The following PALLD variants were observed in gnomAD, a reference collection of about 807,000 sequenced individuals.
PALLD encodes the protein palladin, cytoskeletal associated protein.
In PALLD, 61 loss-of-function variants were observed where a neutral mutation model predicts 123.5. The observed-to-expected ratio is 0.49, with a 90% CI of 0.40 to 0.61. PALLD has a LOEUF of 0.61. PALLD is among the 20% of genes least tolerant of loss of function. PALLD has a pLI of 0.00. For missense variants in PALLD, 1,273 were observed against 1,377.0 expected, an observed-to-expected ratio of 0.92 and a Z score of 1.20; for synonymous variants, 465 against 496.4, an observed-to-expected ratio of 0.94 and a Z score of 0.84.
At chr4:168,634,313 C>CGGA (rs779646606) in intron 2 of PALLD, among the ~76,000 whole-genome samples, 6 of 152,202 alleles carry the variant, frequency 3.9e-5, no homozygotes, top group Non-Finnish European at 8.8e-5. Flanking sequence ...CTTCAGTGAC[C>CGGA]TTCCCATTTG....
chr4:168,736,391 G>A (rs1032791154), intron 10 of PALLD, among the ~76,000 whole-genome samples: 2 of 152,166 alleles, frequency 1.3e-5, no homozygotes, highest in Admixed American at 6.5e-5. Context: ...TTCATGATTA[G>A]AAGATAGCTG....
chr4:168,860,316 C>G (rs910395674), intron 10 of PALLD, among the ~76,000 whole-genome samples: 2 of 152,192 alleles, frequency 1.3e-5, no homozygotes, highest in African/African-American at 4.8e-5. Context: ...CACAGCTGGA[C>G]AGAAGCCCCC....
chr4:168,870,475 ATCT>A lies in PALLD; in HGVS notation c.1965-20440_1965-20438del, dbSNP rs752422177. The stretch of plus-strand genomic sequence containing the variant: ...TATCTGCCTCTCGAATGCCTTTAAA[ATCT>A]TCTTCTGTTTTCCAAAAACTGATAT... On this transcript the variant is annotated intron_variant, in intron 10 of 21. Transcript: ENST00000505667. 7.9e-5 allele frequency among the ~76,000 whole-genome samples: 12 copies of A among 152,316 alleles called. 1 individual carries two copies. In the South Asian group the frequency reaches 8.3e-4, roughly 11 times the overall value.
intron 2 of PALLD, among the ~76,000 whole-genome samples, chr4:168,537,969 C>T (rs1369203210): frequency 6.6e-6 from 1 of 152,216 alleles, no homozygotes; most frequent in Non-Finnish European, 1.5e-5. Context: ...TTCTATCCCC[C>T]TTCAGGTGAG....
chr4:168,672,064 C>G (rs1405999726), intron 3 of PALLD, among the ~76,000 whole-genome samples: 1 of 152,144 alleles, frequency 6.6e-6, no homozygotes. Flanking sequence ...ACAGAGATCA[C>G]CTCATTTCAT....
chr4:168,813,268 A>G (rs1299430706), intron 10 of PALLD, among the ~76,000 whole-genome samples: 1 of 152,184 alleles, frequency 6.6e-6, no homozygotes, highest in African/African-American at 2.4e-5. Context: ...TAGTGGAATC[A>G]TGGAATTTAA....
At chr4:168,660,845 G>A (rs2149976450) in intron 2 of PALLD, among the ~76,000 whole-genome samples, 1 of 151,674 alleles carries the variant, frequency 6.6e-6, no homozygotes, top group Non-Finnish European at 1.5e-5. Context: ...TAAGTATGAA[G>A]CTATACCCAA....
chr4:168,841,586 C>T (rs771518089), intron 10 of PALLD, among the ~76,000 whole-genome samples: 4 of 152,182 alleles, frequency 2.6e-5, no homozygotes, highest in Non-Finnish European at 5.9e-5. Flanking sequence ...ACCTCAGCCA[C>T]GGAGTGACAG....
At chr4:168,792,253 G>A (rs1031530182) in intron 10 of PALLD, among the ~76,000 whole-genome samples, 2 of 152,082 alleles carry the variant, frequency 1.3e-5, no homozygotes, top group South Asian at 2.1e-4. Flanking sequence ...GTCGCATCAC[G>A]GAGCAGAGGC....
chr4:168,764,842 TC>T (rs1447913581), intron 10 of PALLD, among the ~76,000 whole-genome samples: 11 of 152,146 alleles, frequency 7.2e-5, no homozygotes, highest in Non-Finnish European at 1.6e-4. Flanking sequence ...GCTCCAGGTG[TC>T]AATAAACAAC....
chr4:168,648,712 T>C (rs575574106), intron 2 of PALLD: 1 of 152,352 alleles, frequency 6.6e-6, no homozygotes, highest in East Asian at 1.9e-4. Flanking sequence ...TATTGTTGCA[T>C]CATTAAATTA....
At chr4:168,580,607 A>G (rs62335502) in intron 2 of PALLD, among the ~76,000 whole-genome samples, 14,005 of 152,072 alleles carry the variant, frequency 0.092, 892 homozygotes, top group South Asian at 0.18. Flanking sequence ...ATTTGACCCA[A>G]CAATCACATT....
In PALLD at chr4:168,779,316, A is replaced by T. The variant is rs148206687; in HGVS notation, c.1964+67393A>T. Among the ~76,000 whole-genome samples the T allele has an allele frequency of 1.1e-4, 16 of 152,206 alleles. No individual in the cohort carries two copies. The East Asian group carries it at 2.9e-3, about 28-fold the overall frequency. On this transcript the variant is annotated intron_variant, in intron 10 of 21. Coordinates refer to ENST00000505667, the MANE Select transcript of PALLD (RefSeq NM_001166108.2). ...CAATTTTGTTTCTTATTCTTTCTAC[A>T]TTCTGTAATGTATTAGAAACATGAA...
intron 1 of PALLD, among the ~76,000 whole-genome samples, chr4:168,497,962 A>G (rs1259922579): frequency 6.6e-6 from 1 of 152,230 alleles, no homozygotes; most frequent in Non-Finnish European, 1.5e-5. Context: ...GCCTTCTAGT[A>G]TGAATAATGT....
chr4:168,540,896 G>T (rs1279487205), intron 2 of PALLD, among the ~76,000 whole-genome samples: 1 of 151,960 alleles, frequency 6.6e-6, no homozygotes, highest in Non-Finnish European at 1.5e-5. Context: ...GTTGGAGTTT[G>T]TATTTGGCAT....
intron 2 of PALLD, among the ~76,000 whole-genome samples, chr4:168,650,951 C>G (rs1327685785): frequency 6.6e-6 from 1 of 152,058 alleles, no homozygotes; most frequent in Non-Finnish European, 1.5e-5. Flanking sequence ...AATGTATTTA[C>G]AGATGGCTTT....
chr4:168,575,925 C>T (rs1177184472), intron 2 of PALLD, among the ~76,000 whole-genome samples: 2 of 151,986 alleles, frequency 1.3e-5, no homozygotes, highest in Non-Finnish European at 2.9e-5. Flanking sequence ...TTTCAATTAA[C>T]CTTCAGGGAA....
chr4:168,715,944 C>T (rs1434510499), intron 10 of PALLD, among the ~76,000 whole-genome samples: 1 of 150,882 alleles, frequency 6.6e-6, no homozygotes, highest in Non-Finnish European at 1.5e-5. Flanking sequence ...AGCGACACTC[C>T]ATCTCAAAAA....
At chr4:168,830,401 G>A (rs750983333) in intron 10 of PALLD, among the ~76,000 whole-genome samples, 13 of 151,946 alleles carry the variant, frequency 8.6e-5, no homozygotes, top group African/African-American at 2.4e-4. Flanking sequence ...ATGATGGCAC[G>A]TGCCTGTAGC....
Sources: allele counts gnomAD v4.1 joint callset (sites outside exome capture counted in the v4.1 genomes callset), GRCh38; gene constraint gnomAD v4.1.1; transcripts MANE v1.5; gene names NCBI Gene and HGNC (gene_info 2026-07-23, HGNC 2026-07-21).